Variants in STK38L observed in about 807,000 individuals in gnomAD.
STK38L encodes the protein serine/threonine kinase 38 like.
Under a neutral mutation model 59.7 loss-of-function variants are expected in STK38L, and 28 were observed. The observed-to-expected ratio is 0.47, with a 90% CI of 0.35 to 0.64. The LOEUF (loss-of-function observed/expected upper bound fraction) is 0.64. Ranked by LOEUF, STK38L falls within the 30% of genes least tolerant of loss-of-function variation. STK38L has a pLI of 0.01. For synonymous variants in STK38L, 162 were observed against 176.8 expected (o/e 0.92, Z 0.66); for missense variants, 314 against 555.8 (o/e 0.56, Z 4.37).
At chr12:27,256,746 T>A (rs1287038471) in intron 1 of STK38L, among the ~76,000 whole-genome samples, 1 of 152,236 alleles carries the variant, frequency 6.6e-6, no homozygotes, top group Non-Finnish European at 1.5e-5. Flanking sequence ...TTAGAGATAA[T>A]TTTATGTCAC....
intron 3 of STK38L, among the ~76,000 whole-genome samples, chr12:27,306,749 A>ACACACACACACACACG (rs1944325243): frequency 6.6e-6 from 1 of 151,716 alleles, no homozygotes; most frequent in Non-Finnish European, 1.5e-5. Context: ...ACACACACAC[A>ACACACACACACACACG]CACATATATT....
At chr12:27,272,694 G>A (rs758462755) in intron 1 of STK38L, among the ~76,000 whole-genome samples, 2 of 152,158 alleles carry the variant, frequency 1.3e-5, no homozygotes, top group Non-Finnish European at 2.9e-5. Flanking sequence ...AAGTCACTTA[G>A]AAGAAATTAT....
At chr12:27,305,703 A>G (rs1034279338) in intron 3 of STK38L, among the ~76,000 whole-genome samples, 6 of 152,238 alleles carry the variant, frequency 3.9e-5, no homozygotes, top group Admixed American at 2.0e-4. Context: ...AGGAACACCT[A>G]TATAAAAAGG....
intron 5 of STK38L, among the ~76,000 whole-genome samples, chr12:27,311,992 G>C (rs1944465720): frequency 6.6e-6 from 1 of 151,956 alleles, no homozygotes; most frequent in Admixed American, 6.6e-5. Context: ...CGATTCTCCT[G>C]CCTCAGCCTC....
In STK38L at chr12:27,270,916, G is replaced by A. The variant is rs112240327; in HGVS notation, c.-12+26584G>A. Among the ~76,000 whole-genome samples the A allele has an allele frequency of 3.7e-4, 57 of 152,318 alleles. 1 individual carries two copies. Among genetic ancestry groups the A allele is most frequent in the African/African-American group, 1.1e-3 (45 of 41,572 alleles). The stretch of plus-strand genomic sequence containing the variant: ...GAATTACTTCCTTTGGCTTAGTAGA[G>A]AGATCCTAATTATCTTTTGGTAGAT... On this transcript the variant is annotated intron_variant, in intron 1 of 13. Coordinates refer to ENST00000389032, the MANE Select transcript of STK38L (RefSeq NM_015000.4).
intron 1 of STK38L, among the ~76,000 whole-genome samples, chr12:27,275,163 T>A (rs1000972808): frequency 1.3e-5 from 2 of 152,078 alleles, no homozygotes; most frequent in African/African-American, 4.8e-5. Flanking sequence ...TACTTTCCTG[T>A]CCTCCCTCAT....
rs1368740144 is a variant in STK38L, at chr12:27,251,013, A to AG, written c.-12+6681_-12+6682insG. Among the ~76,000 whole-genome samples the AG allele has an allele frequency of 1.4e-3, 217 of 151,280 alleles. 1 individual carries two copies. Among genetic ancestry groups the AG allele is most frequent in the African/African-American group, 4.9e-3 (202 of 41,334 alleles). ...CTCTGTCTCAAAAAAAAAAAAAAAA[A>AG]AAAGAAATTGCTTCTTCAGATCAGG... On this transcript the variant is annotated intron_variant, in intron 1 of 13. Transcript: ENST00000389032.
At chr12:27,322,035 G>T in intron 12 of STK38L, 108 bp from the exon 13 acceptor site, 1 of 943,238 alleles carries the variant, frequency 1.1e-6, no homozygotes, top group Non-Finnish European at 1.5e-6. Context: ...AATTTCCTTG[G>T]ATTTTCTAGT....
rs1217852686 is a variant in STK38L, at chr12:27,323,136, T to A, written c.*681T>A. 1 of 152,228 alleles carries A rather than the reference T, an allele frequency of 6.6e-6. No individual in the cohort carries two copies. The highest frequency in any genetic ancestry group is 1.5e-5 in the Non-Finnish European group (1 of 68,024). The allele number at this position is 152,228 out of a possible 1,614,324, so 9.4% of individuals were successfully genotyped here. A position where few individuals can be genotyped will look rare whatever the true frequency, so the allele number is the denominator to read the frequency against. ...CCTTCACTCAAGCACTCCACTAATA[T>A]ATTTACGTTGCATTCAGAAATACTG... On this transcript the variant is annotated 3_prime_UTR_variant, in exon 14 of 14. Transcript: ENST00000389032.
Position 27,244,323 on chromosome 12 carries a change from C to A in STK38L, c.-21C>A, listed in dbSNP as rs962080806. On this transcript the variant is annotated 5_prime_UTR_variant, in exon 1 of 14. Transcript: ENST00000389032. ...GAGGCTGAGCCGGCCGCGGGCGCGA[C>A]CGGAGGCAGGTGAGTTCGCGGATGT... The A allele has an allele frequency of 2.0e-5, 3 of 152,290 alleles. No homozygotes were observed. Among genetic ancestry groups the A allele is most frequent in the Non-Finnish European group, 4.4e-5 (3 of 68,082 alleles). 9.4% of individuals were successfully genotyped at this position (152,290 alleles called of 1,614,324 possible).
intron 1 of STK38L, among the ~76,000 whole-genome samples, chr12:27,294,127 C>T (rs951682425): frequency 6.6e-6 from 1 of 152,178 alleles, no homozygotes; most frequent in Admixed American, 6.5e-5. Flanking sequence ...TATCTATGAA[C>T]TGCAATTTTA....
At chr12:27,291,973 T>G (rs1000992584) in intron 1 of STK38L, among the ~76,000 whole-genome samples, 5 of 152,204 alleles carry the variant, frequency 3.3e-5, no homozygotes, top group Non-Finnish European at 5.9e-5. Flanking sequence ...GTGCCAGATT[T>G]GTTATCTCCT....
At chr12:27,300,726 A>G (rs1278899528) in intron 2 of STK38L, 3 of 414,040 alleles carry the variant, frequency 7.2e-6, no homozygotes, top group East Asian at 1.4e-4. Flanking sequence ...GTAGGTGCCT[A>G]TGACAAGCAC....
At chr12:27,300,730 C>A in intron 2 of STK38L, 1 of 405,774 alleles carries the variant, frequency 2.5e-6, no homozygotes, top group Non-Finnish European at 5.0e-6. Flanking sequence ...GTGCCTATGA[C>A]AAGCACTGAG....
chr12:27,317,327 C>A lies in STK38L; in HGVS notation c.838-9C>A. 1 of 1,589,488 alleles carries A rather than the reference C, an allele frequency of 6.3e-7. No individual in the cohort carries two copies. Among genetic ancestry groups the A allele is most frequent in the Non-Finnish European group, 8.6e-7 (1 of 1,166,870 alleles). On this transcript the variant is annotated splice_polypyrimidine_tract_variant and intron_variant, in intron 9 of 13. Transcript: ENST00000389032. The stretch of plus-strand genomic sequence containing the variant: ...AAGAATGCTGGTTTGACGAGTTGCT[C>A]CTTTGTAGGCATATTCCACAGTTGG...
At chr12:27,254,022 T>C (rs898799) in intron 1 of STK38L, among the ~76,000 whole-genome samples, 11,793 of 152,218 alleles carry the variant, frequency 0.077, 575 homozygotes, top group Middle Eastern at 0.15. Context: ...TTTGTGAAAT[T>C]AAACAGAAAA....
chr12:27,288,259 A>G (rs1943820696), intron 1 of STK38L, among the ~76,000 whole-genome samples: 1 of 152,080 alleles, frequency 6.6e-6, no homozygotes, highest in South Asian at 2.1e-4. Flanking sequence ...TTATTTTTCC[A>G]TTTCTAAATT....
intron 3 of STK38L, among the ~76,000 whole-genome samples, chr12:27,306,548 G>A (rs1311588957): frequency 1.3e-5 from 2 of 152,040 alleles, no homozygotes; most frequent in Non-Finnish European, 2.9e-5. Flanking sequence ...ATTTGTCATT[G>A]CATTTAGGTA....
In STK38L at chr12:27,308,875, A is replaced by T. The variant is rs901468070; in HGVS notation, c.310-239A>T. ...ATATAAAAAAATATATATAAATATA[A>T]ATATATATAAATGTAAATATATAAA... On this transcript the variant is annotated intron_variant, in intron 4 of 13. Transcript: ENST00000389032. This position sits in a 1 kb window ranked among gnomAD's most constrained non-coding sequence, Gnocchi z 4.5. 7.2e-6 allele frequency among the ~76,000 whole-genome samples: 1 copy of T among 138,434 alleles called. No individual in the cohort carries two copies. Among genetic ancestry groups the T allele is most frequent in the Non-Finnish European group, 1.6e-5 (1 of 60,798 alleles). 90.8% of individuals were successfully genotyped at this position (138,434 alleles called of 152,430 possible). A position where few individuals can be genotyped will look rare whatever the true frequency, so the allele number is the denominator to read the frequency against.
Sources: allele counts gnomAD v4.1 joint callset (sites outside exome capture counted in the v4.1 genomes callset), GRCh38; gene constraint gnomAD v4.1.1; non-coding constraint Gnocchi (gnomAD v3.1); transcripts MANE v1.5; gene names NCBI Gene and HGNC (gene_info 2026-07-23, HGNC 2026-07-21).